The following FHIT variants were observed in gnomAD, a reference collection of about 807,000 sequenced individuals.
The protein encoded by FHIT is bis(5'-adenosyl)-triphosphatase.
FHIT carries 19 observed loss-of-function variants against 17.9 expected under a neutral mutation model. That is an observed-to-expected ratio of 1.06 (90% CI 0.74 to 1.56). The LOEUF (loss-of-function observed/expected upper bound fraction) is 1.56, where lower values mean the gene tolerates loss of function less well. FHIT is among the 40% of genes most tolerant of loss of function. The pLI is 0.00. For synonymous variants in FHIT, 81 were observed against 69.7 expected (o/e 1.16, Z -0.81); for missense variants, 248 against 189.2 (o/e 1.31, Z -1.82).
intron 4 of FHIT, among the ~76,000 whole-genome samples, chr3:60,674,835 T>C (rs1279083873): frequency 6.6e-6 from 1 of 152,172 alleles, no homozygotes; most frequent in African/African-American, 2.4e-5. Flanking sequence ...GCCCTGCTTA[T>C]ACATAGTCAA....
chr3:59,823,595 A>T (rs1384739781), intron 8 of FHIT, among the ~76,000 whole-genome samples: 3 of 152,292 alleles, frequency 2.0e-5, no homozygotes, highest in African/African-American at 7.2e-5. Flanking sequence ...TAAAAAAAAA[A>T]TCACATGATC....
chr3:60,347,437 T>G (rs1466679401), intron 5 of FHIT, among the ~76,000 whole-genome samples: 5 of 152,030 alleles, frequency 3.3e-5, no homozygotes. Flanking sequence ...TACAAATACA[T>G]TACAGCCATT....
chr3:60,509,564 T>C (rs2121867), intron 5 of FHIT, among the ~76,000 whole-genome samples: 56,513 of 151,912 alleles, frequency 0.37, 10,733 homozygotes, highest in Admixed American at 0.45. Flanking sequence ...AACATTTGTT[T>C]ATTGCCTTAG....
intron 5 of FHIT, among the ~76,000 whole-genome samples, chr3:60,034,470 C>G (rs1394144484): frequency 2.0e-5 from 3 of 152,176 alleles, no homozygotes; most frequent in African/African-American, 7.2e-5. Context: ...CTCCATTTAC[C>G]CACTTTCAAA....
At position 59,773,401 on chromosome 3, in the gene FHIT, G is replaced by C. The variant is rs75746617; in HGVS notation, c.349-21080C>G. ...GAGACACTAGAGGGTCCAAAAAGCTGCGTATCTTCTCTGCCTTTGTATTGT... is the reference window on the plus strand; with the variant it reads ...GAGACACTAGAGGGTCCAAAAAGCTCCGTATCTTCTCTGCCTTTGTATTGT... On this transcript the variant is annotated intron_variant, in intron 8 of 9. Coordinates refer to ENST00000492590, the MANE Select transcript of FHIT (RefSeq NM_002012.4). Among the ~76,000 whole-genome samples, 121 of 152,316 alleles carry C rather than the reference G, an allele frequency of 7.9e-4. 1 individual carries two copies. The East Asian group carries it at 0.023, about 29-fold the overall frequency.
chr3:59,975,923 G>C (rs1343468628), intron 7 of FHIT, among the ~76,000 whole-genome samples: 2 of 152,062 alleles, frequency 1.3e-5, no homozygotes, highest in Non-Finnish European at 2.9e-5. Context: ...GTCACAGAGA[G>C]TAAGGTCTCC....
chr3:60,520,070 C>T (rs1239334714), intron 5 of FHIT, among the ~76,000 whole-genome samples: 1 of 152,120 alleles, frequency 6.6e-6, no homozygotes, highest in Admixed American at 6.5e-5. Context: ...CTTTATATTT[C>T]TTTATATTCC....
intron 2 of FHIT, among the ~76,000 whole-genome samples, chr3:61,075,950 C>T (rs1316158779): frequency 1.3e-5 from 2 of 152,156 alleles, no homozygotes; most frequent in African/African-American, 2.4e-5. Context: ...TTACTGAGTG[C>T]TTCCAATGTG....
chr3:60,065,377 C>T (rs1413316464), intron 5 of FHIT, among the ~76,000 whole-genome samples: 1 of 152,018 alleles, frequency 6.6e-6, no homozygotes, highest in Non-Finnish European at 1.5e-5. Flanking sequence ...CTTCTTTCAT[C>T]TGTAAAATGG....
intron 5 of FHIT, among the ~76,000 whole-genome samples, chr3:60,331,620 G>A (rs1327374782): frequency 6.6e-6 from 1 of 152,144 alleles, no homozygotes; most frequent in Non-Finnish European, 1.5e-5. Context: ...GCTGAGGTGG[G>A]TGGATCACCT....
chr3:59,938,890 T>C (rs1706372028), intron 7 of FHIT, among the ~76,000 whole-genome samples: 1 of 152,176 alleles, frequency 6.6e-6, no homozygotes, highest in Admixed American at 6.6e-5. Context: ...CCCAGTTTTA[T>C]GGGGACCTCC....
At chr3:60,518,953 C>T (rs10212368) in intron 5 of FHIT, among the ~76,000 whole-genome samples, 19,348 of 152,134 alleles carry the variant, frequency 0.13, 1,431 homozygotes, top group Middle Eastern at 0.23. Context: ...CAGTGAGCAC[C>T]GAGGTGGCAC....
At chr3:60,798,494 T>C (rs1701069675) in intron 4 of FHIT, among the ~76,000 whole-genome samples, 1 of 152,296 alleles carries the variant, frequency 6.6e-6, no homozygotes, top group East Asian at 1.9e-4. Context: ...AGTTATCTCA[T>C]GGCAGAGGAT....
chr3:60,517,603 G>C (rs140045133), intron 5 of FHIT, among the ~76,000 whole-genome samples: 1 of 152,266 alleles, frequency 6.6e-6, no homozygotes, highest in East Asian at 1.9e-4. Flanking sequence ...TCATTTTTAA[G>C]AAATTACAAT....
intron 4 of FHIT, among the ~76,000 whole-genome samples, chr3:60,751,414 T>C (rs2042463826): frequency 6.6e-6 from 1 of 152,154 alleles, no homozygotes; most frequent in Non-Finnish European, 1.5e-5. Context: ...ATCACATATA[T>C]CCAGTATTTA....
chr3:61,187,399 C>G lies in FHIT; in HGVS notation c.-164+13218G>C, dbSNP rs146695026. On this transcript the variant is annotated intron_variant, in intron 2 of 9. Coordinates refer to ENST00000492590, the MANE Select transcript of FHIT (RefSeq NM_002012.4). Reference sequence around the variant, plus strand: ...GAGCTAACTATCCTAAATATATATGCACCCAATACAGGAGCACCCAGATTC... The same window carrying G: ...GAGCTAACTATCCTAAATATATATGGACCCAATACAGGAGCACCCAGATTC... Among the ~76,000 whole-genome samples the G allele has an allele frequency of 2.2e-3, 338 of 152,186 alleles. 4 individuals are homozygous for G. Among genetic ancestry groups the G allele is most frequent in the African/African-American group, 7.9e-3 (330 of 41,516 alleles).
chr3:60,926,280 T>C (rs1435509091), intron 3 of FHIT, among the ~76,000 whole-genome samples: 1 of 152,162 alleles, frequency 6.6e-6, no homozygotes, highest in African/African-American at 2.4e-5. Flanking sequence ...ACCACACCTA[T>C]TCCAAAATTG....
intron 2 of FHIT, among the ~76,000 whole-genome samples, chr3:61,199,235 T>C (rs1309204617): frequency 6.6e-6 from 1 of 152,170 alleles, no homozygotes; most frequent in Non-Finnish European, 1.5e-5. Flanking sequence ...TGTGGAAACA[T>C]TCCCCAAGAG....
chr3:60,965,700 T>C (rs1331172421), intron 3 of FHIT, among the ~76,000 whole-genome samples: 1 of 152,140 alleles, frequency 6.6e-6, no homozygotes, highest in Non-Finnish European at 1.5e-5. Context: ...TTGCTGGAGG[T>C]CCACTCCAGA....
Sources: gnomAD v4.1 joint callset for allele counts (sites outside exome capture counted in the v4.1 genomes callset) on GRCh38, gnomAD v4.1.1 for gene constraint, MANE v1.5 for transcripts, NCBI Gene and HGNC (gene_info 2026-07-23, HGNC 2026-07-21) for gene names.